MCCC2: variants seen among roughly 807,000 people sequenced by gnomAD.
The protein encoded by MCCC2 is methylcrotonyl-CoA carboxylase subunit 2.
Under a neutral mutation model 77.2 loss-of-function variants are expected in MCCC2, and 52 were observed. The ratio of observed to expected loss-of-function variants is 0.67; its 90% CI spans 0.54 to 0.85. The LOEUF (loss-of-function observed/expected upper bound fraction) is 0.85. Ranked by LOEUF, MCCC2 falls within the 40% of genes least tolerant of loss-of-function variation. The probability of loss-of-function intolerance (pLI) is 0.00; values close to 1 mark genes in which losing one functional copy is unlikely to be tolerated. For missense variants in MCCC2, 682 were observed against 703.2 expected, an observed-to-expected ratio of 0.97 and a Z score of 0.34; for synonymous variants, 253 against 248.4, an observed-to-expected ratio of 1.02 and a Z score of -0.18.
intron 6 of MCCC2, among the ~76,000 whole-genome samples, chr5:71,625,362 A>G (rs1228484817): frequency 1.3e-5 from 2 of 152,230 alleles, no homozygotes; most frequent in African/African-American, 2.4e-5. Flanking sequence ...TCAAACATGC[A>G]GAAAGTATAC....
At chr5:71,627,426 T>A (rs1265502115) in intron 7 of MCCC2, among the ~76,000 whole-genome samples, 2 of 152,236 alleles carry the variant, frequency 1.3e-5, no homozygotes, top group Non-Finnish European at 2.9e-5. Context: ...TTCCTTTTTA[T>A]GGCTGAATAA....
chr5:71,654,354 A>G (rs1298476468), intron 16 of MCCC2, among the ~76,000 whole-genome samples: 2 of 152,172 alleles, frequency 1.3e-5, no homozygotes, highest in Non-Finnish European at 2.9e-5. Flanking sequence ...TTACAAACAA[A>G]TTTACAGGTA....
chr5:71,602,770 G>T (rs893991695), intron 5 of MCCC2, 137 bp downstream of exon 5: 40 of 1,303,438 alleles, frequency 3.1e-5, no homozygotes, highest in Non-Finnish European at 3.9e-5. Context: ...AGGAAACACA[G>T]GTTCTTTGCT....
intron 6 of MCCC2, among the ~76,000 whole-genome samples, chr5:71,624,189 C>T (rs978185804): frequency 6.6e-6 from 1 of 152,156 alleles, no homozygotes; most frequent in African/African-American, 2.4e-5. Context: ...GGGGCCCTAC[C>T]TCATGACTTC....
At chr5:71,630,743 G>C (rs1746679498) in intron 7 of MCCC2, among the ~76,000 whole-genome samples, 1 of 152,074 alleles carries the variant, frequency 6.6e-6, no homozygotes, top group South Asian at 2.1e-4. Context: ...GTAATAAGTT[G>C]TTTCTATGCT....
At chr5:71,617,475 C>T (rs1255963990) in intron 6 of MCCC2, among the ~76,000 whole-genome samples, 1 of 152,170 alleles carries the variant, frequency 6.6e-6, no homozygotes, top group African/African-American at 2.4e-5. Context: ...TATCCTCACA[C>T]ATTTCCCTGA....
intron 6 of MCCC2, among the ~76,000 whole-genome samples, chr5:71,613,045 C>T (rs1043507936): frequency 1.3e-5 from 2 of 152,222 alleles, no homozygotes; most frequent in African/African-American, 4.8e-5. Flanking sequence ...CCATGTCTGC[C>T]TCCATCTTCA....
chr5:71,590,423 A>T (rs1744927772), intron 1 of MCCC2, among the ~76,000 whole-genome samples: 1 of 152,192 alleles, frequency 6.6e-6, no homozygotes, highest in East Asian at 1.9e-4. Flanking sequence ...TCTTTGACCC[A>T]CTGGTTGCTT....
At position 71,610,009 on chromosome 5, in the gene MCCC2, T is replaced by C. The variant is rs898798070; in HGVS notation, c.624+5541T>C. 2.2e-4 allele frequency among the ~76,000 whole-genome samples: 34 copies of C among 152,358 alleles called. 1 individual carries two copies. The highest frequency in any genetic ancestry group is 4.7e-4 in the Non-Finnish European group (32 of 68,034). On this transcript the variant is annotated intron_variant, in intron 6 of 16. Transcript: ENST00000340941. ...GGACATTTAAGTCTGCAGAGGTTACTGCTGTCTTTTTGTTTGTCTGTGCCC... is the reference window on the plus strand; with the variant it reads ...GGACATTTAAGTCTGCAGAGGTTACCGCTGTCTTTTTGTTTGTCTGTGCCC...
intron 6 of MCCC2, among the ~76,000 whole-genome samples, chr5:71,614,751 T>C (rs1746103070): frequency 6.6e-6 from 1 of 152,164 alleles, no homozygotes; most frequent in South Asian, 2.1e-4. Context: ...CCCAAAGTGC[T>C]GGGATTACAG....
At chr5:71,589,795 T>C (rs529717868) in intron 1 of MCCC2, among the ~76,000 whole-genome samples, 193 of 152,356 alleles carry the variant, frequency 1.3e-3, no homozygotes, top group Non-Finnish European at 2.3e-3. Context: ...GGTACAATTG[T>C]TATTTCTGTT....
intron 6 of MCCC2, among the ~76,000 whole-genome samples, chr5:71,614,818 A>T (rs1231000027): frequency 6.6e-6 from 1 of 151,996 alleles, no homozygotes; most frequent in African/African-American, 2.4e-5. Flanking sequence ...AAAATTTTTT[A>T]TCTGCTTATT....
intron 11 of MCCC2, among the ~76,000 whole-genome samples, chr5:71,642,613 G>T (rs1179292970): frequency 6.6e-6 from 1 of 152,198 alleles, no homozygotes; most frequent in Non-Finnish European, 1.5e-5. Context: ...CATTTGCAGG[G>T]GCAGCATCTT....
chr5:71,651,622 A>G (rs1183167684), intron 15 of MCCC2, among the ~76,000 whole-genome samples: 1 of 152,126 alleles, frequency 6.6e-6, no homozygotes. Flanking sequence ...TGCCTCCCTG[A>G]ATGCATCCAT....
chr5:71,652,221 A>G (rs1236945192), intron 15 of MCCC2, among the ~76,000 whole-genome samples: 1 of 152,212 alleles, frequency 6.6e-6, no homozygotes, highest in Non-Finnish European at 1.5e-5. Flanking sequence ...CTTGACTGAA[A>G]AGGTTATTCA....
chr5:71,602,822 T>A (rs2112321636), intron 5 of MCCC2, 189 bp downstream of exon 5: 1 of 754,126 alleles, frequency 1.3e-6, no homozygotes, highest in Non-Finnish European at 2.1e-6. Context: ...TTCATAGTAC[T>A]AGTGCATAAT....
chr5:71,625,312 C>T (rs977119946), intron 6 of MCCC2, among the ~76,000 whole-genome samples: 10 of 152,144 alleles, frequency 6.6e-5, no homozygotes, highest in African/African-American at 2.4e-4. Context: ...GTGTCCTTTG[C>T]TTCCCACAGA....
At chr5:71,632,281 G>T in intron 8 of MCCC2, 96 bp downstream of exon 8, 1 of 1,105,226 alleles carries the variant, frequency 9.0e-7, no homozygotes, top group Non-Finnish European at 1.4e-6. Flanking sequence ...TGCTAAACTT[G>T]CCAGACCACA....
At chr5:71,624,927 C>T (rs573078743) in intron 6 of MCCC2, among the ~76,000 whole-genome samples, 17 of 152,080 alleles carry the variant, frequency 1.1e-4, no homozygotes, top group African/African-American at 4.1e-4. Flanking sequence ...CTCCTGGCCT[C>T]AAGTGATACA....
Sources: allele counts gnomAD v4.1 joint callset (sites outside exome capture counted in the v4.1 genomes callset), GRCh38; gene constraint gnomAD v4.1.1; transcripts MANE v1.5; gene names NCBI Gene and HGNC (gene_info 2026-07-23, HGNC 2026-07-21).